The following TMC1 variants were observed in gnomAD, a reference collection of about 807,000 sequenced individuals.
The protein encoded by TMC1 is transmembrane channel-like protein 1.
In TMC1, 84 loss-of-function variants were observed where a neutral mutation model predicts 105.8. That is an observed-to-expected ratio of 0.79 (90% CI 0.67 to 0.95). TMC1 has a LOEUF of 0.95. Among genes scored for constraint, TMC1 ranks in the 40% least tolerant of loss-of-function variants. The pLI is 0.00. For synonymous variants in TMC1, 315 were observed against 311.5 expected (o/e 1.01, Z -0.12); for missense variants, 817 against 914.1 (o/e 0.89, Z 1.37).
chr9:72,647,331 T>C (rs1379285734), intron 4 of TMC1, among the ~76,000 whole-genome samples: 1 of 152,060 alleles, frequency 6.6e-6, no homozygotes, highest in Non-Finnish European at 1.5e-5. Flanking sequence ...CATAATCTTC[T>C]GGATATGAGT....
chr9:72,818,366 CTTTA>C (rs1028782356), intron 19 of TMC1, among the ~76,000 whole-genome samples: 5 of 152,100 alleles, frequency 3.3e-5, no homozygotes, highest in South Asian at 2.1e-4. Flanking sequence ...GATTAGTAAC[CTTTA>C]TTTACGCACT....
At chr9:72,550,790 C>A (rs1823849629) in intron 1 of TMC1, among the ~76,000 whole-genome samples, 1 of 152,070 alleles carries the variant, frequency 6.6e-6, no homozygotes, top group African/African-American at 2.4e-5. Flanking sequence ...GTCCTATTCC[C>A]CATCCTATTC....
chr9:72,779,765 A>T (rs1828062324), intron 13 of TMC1, among the ~76,000 whole-genome samples: 1 of 152,184 alleles, frequency 6.6e-6, no homozygotes, highest in Admixed American at 6.5e-5. Context: ...AGAATTATGT[A>T]AAAAGACCAA....
At chr9:72,727,026 C>T (rs545018425) in intron 8 of TMC1, among the ~76,000 whole-genome samples, 1 of 152,274 alleles carries the variant, frequency 6.6e-6, no homozygotes, top group South Asian at 2.1e-4. Context: ...TATCAAGCCA[C>T]GTAGATGGCC....
At chr9:72,672,309 CTT>C (rs1826136368) in intron 5 of TMC1, among the ~76,000 whole-genome samples, 1 of 151,892 alleles carries the variant, frequency 6.6e-6, no homozygotes, top group African/African-American at 2.4e-5. Flanking sequence ...GATGTACAGA[CTT>C]TGTTTTTTTA....
intron 17 of TMC1, among the ~76,000 whole-genome samples, chr9:72,799,574 G>A (rs2994693): frequency 0.78 from 118,647 of 151,968 alleles, 47,498 homozygotes; most frequent in African/African-American, 0.95. Context: ...TTAAGCTTTC[G>A]GGAACCAGAT....
intron 17 of TMC1, among the ~76,000 whole-genome samples, chr9:72,792,848 G>A (rs1426163396): frequency 6.6e-6 from 1 of 152,220 alleles, no homozygotes; most frequent in Non-Finnish European, 1.5e-5. Context: ...ACCTTCAACC[G>A]AAACATCCAG....
chr9:72,694,223 C>G (rs1342381268), intron 6 of TMC1, among the ~76,000 whole-genome samples: 1 of 152,084 alleles, frequency 6.6e-6, no homozygotes, highest in Non-Finnish European at 1.5e-5. Context: ...TCTTAGAGGT[C>G]ATGGTATGAT....
intron 5 of TMC1, among the ~76,000 whole-genome samples, chr9:72,678,560 A>G (rs1276708950): frequency 3.3e-5 from 5 of 152,074 alleles, no homozygotes; most frequent in African/African-American, 1.2e-4. Context: ...ATATTATTAC[A>G]AGCATAAAAT....
chr9:72,741,549 A>G (rs1827390811), intron 9 of TMC1: 2 of 171,282 alleles, frequency 1.2e-5, no homozygotes, highest in Non-Finnish European at 2.5e-5. Context: ...CGCATTTTCT[A>G]TTGTATCCAA....
intron 8 of TMC1, among the ~76,000 whole-genome samples, chr9:72,722,370 T>C (rs1378338976): frequency 4.6e-5 from 7 of 152,186 alleles, no homozygotes; most frequent in Admixed American, 3.9e-4. Context: ...CTGTTATCAC[T>C]TTATTCTGGT....
At chr9:72,560,659 T>G (rs2132078972) in intron 1 of TMC1, among the ~76,000 whole-genome samples, 1 of 152,182 alleles carries the variant, frequency 6.6e-6, no homozygotes, top group South Asian at 2.1e-4. Flanking sequence ...CCACCATGCC[T>G]GGCTAACTTT....
rs768096961 is a variant in TMC1, at chr9:72,616,414, T to C, written c.-259T>C. 1 of 152,056 alleles carries C rather than the reference T, an allele frequency of 6.6e-6. No individual in the cohort carries two copies. The highest frequency in any genetic ancestry group is 1.5e-5 in the Non-Finnish European group (1 of 68,016). The allele number at this position is 152,056 out of a possible 1,614,324, so 9.4% of individuals were successfully genotyped here. ...AGTCTGCGTGGTGCAGTGGAACAGA[T>C]AGACCTCGGTTTGAATCTCAGCTCT... On this transcript the variant is annotated 5_prime_UTR_variant, in exon 3 of 24. Coordinates refer to ENST00000297784, the MANE Select transcript of TMC1 (RefSeq NM_138691.3).
chr9:72,573,196 ACT>A (rs955022301), intron 1 of TMC1, among the ~76,000 whole-genome samples: 2 of 151,794 alleles, frequency 1.3e-5, no homozygotes, highest in Non-Finnish European at 2.9e-5. Context: ...AACCCATCAA[ACT>A]CTTCTTTCTC....
chr9:72,540,942 G>A (rs1823664400), intron 1 of TMC1, among the ~76,000 whole-genome samples: 1 of 152,154 alleles, frequency 6.6e-6, no homozygotes, highest in Non-Finnish European at 1.5e-5. Flanking sequence ...ATAATGATTA[G>A]TTATCTGCCT....
intron 13 of TMC1, among the ~76,000 whole-genome samples, chr9:72,780,784 A>G (rs1170114836): frequency 6.6e-6 from 1 of 152,220 alleles, no homozygotes; most frequent in African/African-American, 2.4e-5. Flanking sequence ...TCCTAAATGT[A>G]TATGTACCCA....
In TMC1 at chr9:72,708,739, A is replaced by G. The variant is rs79445745; in HGVS notation, c.362+8096A>G. On this transcript the variant is annotated intron_variant, in intron 8 of 23. Coordinates refer to ENST00000297784, the MANE Select transcript of TMC1 (RefSeq NM_138691.3). ...CAGTGACAGTTTCACCTCTTTACCAATCTGGATGCCCTTTATTTCTTTCTC... is the reference window on the plus strand; with the variant it reads ...CAGTGACAGTTTCACCTCTTTACCAGTCTGGATGCCCTTTATTTCTTTCTC... 2.2e-3 allele frequency among the ~76,000 whole-genome samples: 339 copies of G among 152,248 alleles called. 3 individuals carry two copies. Among genetic ancestry groups the G allele is most frequent in the African/African-American group, 7.8e-3 (326 of 41,544 alleles).
At chr9:72,622,719 A>G (rs1220526997) in intron 3 of TMC1, among the ~76,000 whole-genome samples, 1 of 152,140 alleles carries the variant, frequency 6.6e-6, no homozygotes, top group Admixed American at 6.5e-5. Context: ...TTGATTATCT[A>G]TTATTCCCTT....
At chr9:72,746,954 A>C (rs1827499872) in intron 10 of TMC1, among the ~76,000 whole-genome samples, 1 of 152,190 alleles carries the variant, frequency 6.6e-6, no homozygotes, top group Non-Finnish European at 1.5e-5. Context: ...AAGCAACTGC[A>C]TGTTTGTACC....
Sources: allele counts gnomAD v4.1 joint callset (sites outside exome capture counted in the v4.1 genomes callset), GRCh38; gene constraint gnomAD v4.1.1; transcripts MANE v1.5; gene names NCBI Gene and HGNC (gene_info 2026-07-23, HGNC 2026-07-21).